INVS: variants seen among roughly 807,000 people sequenced by gnomAD.
INVS encodes inversion of embryo turning homolog.
A neutral mutation model predicts 108.8 loss-of-function variants in INVS; 86 were observed. The observed-to-expected ratio is 0.79, with a 90% CI of 0.66 to 0.95. INVS has a LOEUF of 0.95. Among genes scored for constraint, INVS ranks in the 40% least tolerant of loss-of-function variants. INVS has a pLI of 0.00. For missense variants in INVS, 1,169 were observed against 1,297.4 expected (o/e 0.90, Z 1.52); for synonymous variants, 455 against 473.5 (o/e 0.96, Z 0.51).
chr9:100,107,650 C>G (rs889626867), intron 2 of INVS, among the ~76,000 whole-genome samples: 1 of 152,198 alleles, frequency 6.6e-6, no homozygotes, highest in African/African-American at 2.4e-5. Context: ...GTCACTTCTT[C>G]AAAGAGGCCT....
At chr9:100,298,290 G>A (rs950021118) in intron 16 of INVS, 1 of 1,308,732 alleles carries the variant, frequency 7.6e-7, no homozygotes, top group African/African-American at 1.5e-5. Flanking sequence ...GGAAATAAAT[G>A]AAAATACTGT....
intron 3 of INVS, among the ~76,000 whole-genome samples, chr9:100,198,230 A>C (rs1564154897): frequency 7.4e-6 from 1 of 135,396 alleles, no homozygotes; most frequent in East Asian, 2.4e-4. Flanking sequence ...CTCAACTTTA[A>C]TGGTGTTGAC....
At chr9:100,130,272 A>G (rs1191192969) in intron 3 of INVS, 11 of 152,066 alleles carry the variant, frequency 7.2e-5, no homozygotes, top group African/African-American at 2.7e-4. Context: ...GTTTTTTTAA[A>G]TGAGGGATCC....
chr9:100,291,719 AC>A (rs1271879987), intron 13 of INVS, among the ~76,000 whole-genome samples: 1 of 152,192 alleles, frequency 6.6e-6, no homozygotes, highest in Non-Finnish European at 1.5e-5. Flanking sequence ...AAGGAAGACG[AC>A]TTTGGTTTTA....
chr9:100,198,050 T>A (rs1162666684), intron 3 of INVS, among the ~76,000 whole-genome samples: 5 of 152,136 alleles, frequency 3.3e-5, no homozygotes, highest in African/African-American at 9.7e-5. Flanking sequence ...CAAAAATCTA[T>A]GTCTATATCT....
At chr9:100,266,282 G>A (rs993337290) in intron 11 of INVS, among the ~76,000 whole-genome samples, 3 of 152,144 alleles carry the variant, frequency 2.0e-5, no homozygotes, top group Non-Finnish European at 2.9e-5. Context: ...AATTCAGGGC[G>A]ACTTTTGCAG....
chr9:100,300,408 A>C (rs1377577170), intron 16 of INVS, among the ~76,000 whole-genome samples, 160 bp from the exon 17 acceptor site: 1 of 152,192 alleles, frequency 6.6e-6, no homozygotes, highest in African/African-American at 2.4e-5. Flanking sequence ...TGCAGGAAAT[A>C]TAAAGCTATT....
chr9:100,284,691 A>G (rs917974760), intron 13 of INVS, 88 bp downstream of exon 13: 17 of 1,385,160 alleles, frequency 1.2e-5, no homozygotes, highest in South Asian at 2.5e-5. Flanking sequence ...CACTTAAGAT[A>G]ATTGTTATAT....
At chr9:100,203,727 T>C (rs1481260332) in intron 3 of INVS, among the ~76,000 whole-genome samples, 1 of 152,074 alleles carries the variant, frequency 6.6e-6, no homozygotes, top group Non-Finnish European at 1.5e-5. Flanking sequence ...GGTCTCGAAC[T>C]CCTGACCTCA....
intron 3 of INVS, among the ~76,000 whole-genome samples, chr9:100,194,811 G>C (rs1830324485): frequency 6.6e-6 from 1 of 152,174 alleles, no homozygotes; most frequent in African/African-American, 2.4e-5. Context: ...AGCAAACTTG[G>C]AAGCTGAGAT....
At chr9:100,183,796 A>G (rs1829969604) in intron 3 of INVS, among the ~76,000 whole-genome samples, 2 of 97,130 alleles carry the variant, frequency 2.1e-5, no homozygotes, top group Non-Finnish European at 2.0e-5. Flanking sequence ...GTTTCAGGGA[A>G]AAAAAAAAAA....
chr9:100,124,068 CA>C (rs1827806143), intron 2 of INVS, among the ~76,000 whole-genome samples: 1 of 152,172 alleles, frequency 6.6e-6, no homozygotes, highest in Non-Finnish European at 1.5e-5. Context: ...CTCAGCCTCC[CA>C]AAATGTTGGG....
In INVS at chr9:100,207,237, T is replaced by C. The variant is rs1163407958; in HGVS notation, c.274-18825T>C. Among the ~76,000 whole-genome samples the C allele has an allele frequency of 2.0e-5, 3 of 152,208 alleles. 1 individual carries two copies. Among genetic ancestry groups the C allele is most frequent in the Admixed American group, 6.5e-5 (1 of 15,274 alleles). On this transcript the variant is annotated intron_variant, in intron 3 of 16. Coordinates refer to ENST00000262457, the MANE Select transcript of INVS (RefSeq NM_014425.5). ...CCACTCACACCTGAGTTGGTTGTTA[T>C]GATGATGGCTGCCACATGAAAGAGT...
intron 3 of INVS, among the ~76,000 whole-genome samples, chr9:100,151,457 C>A (rs534686516): frequency 1.3e-5 from 2 of 152,038 alleles, no homozygotes; most frequent in East Asian, 1.9e-4. Context: ...CCAGCCTGGA[C>A]AACAGAGTGA....
chr9:100,217,216 C>T lies in INVS; in HGVS notation c.274-8846C>T, dbSNP rs548018904. ...CCCAGCTACTTGGGAGGCTGAGGCA[C>T]AAGAATTGCTTGAACCCGGGAGGCA... On this transcript the variant is annotated intron_variant, in intron 3 of 16. Coordinates refer to ENST00000262457, the MANE Select transcript of INVS (RefSeq NM_014425.5). Among the ~76,000 whole-genome samples the T allele has an allele frequency of 7.2e-5, 11 of 151,998 alleles. 1 individual carries two copies. The South Asian group carries it at 2.1e-3, about 29-fold the overall frequency.
chr9:100,284,215 T>C, intron 12 of INVS, 105 bp from the exon 13 acceptor site: 1 of 1,323,606 alleles, frequency 7.6e-7, no homozygotes, highest in Non-Finnish European at 1.1e-6. Flanking sequence ...TTTCCAAATA[T>C]CTCCTGTGAT....
chr9:100,299,189 A>G (rs1833876634), intron 16 of INVS, among the ~76,000 whole-genome samples: 1 of 152,204 alleles, frequency 6.6e-6, no homozygotes, highest in African/African-American at 2.4e-5. Context: ...TACTTGTCCT[A>G]CACATATTTT....
chr9:100,281,802 A>G (rs1218769156), intron 12 of INVS, among the ~76,000 whole-genome samples: 2 of 148,662 alleles, frequency 1.3e-5, no homozygotes, highest in Admixed American at 1.4e-4. Context: ...GGATGTCTTG[A>G]TCACTTTAAA....
intron 3 of INVS, among the ~76,000 whole-genome samples, chr9:100,144,076 T>C (rs907635681): frequency 3.9e-5 from 6 of 151,934 alleles, no homozygotes; most frequent in African/African-American, 1.2e-4. Flanking sequence ...AGTGGGGTCC[T>C]ACACAGATGG....
Sources: gnomAD v4.1 joint callset for allele counts (sites outside exome capture counted in the v4.1 genomes callset) on GRCh38, gnomAD v4.1.1 for gene constraint, MANE v1.5 for transcripts, NCBI Gene and HGNC (gene_info 2026-07-23, HGNC 2026-07-21) for gene names.